Variants in BTD observed in about 807,000 individuals in gnomAD.
BTD encodes biocytinase.
A neutral mutation model predicts 17.7 loss-of-function variants in BTD; 13 were observed. The observed-to-expected ratio is 0.74, with a 90% confidence interval of 0.48 to 1.17. The LOEUF is 1.17. Among genes scored for constraint, BTD ranks in the 50% most tolerant of loss-of-function variants. BTD has a pLI of 0.00. For synonymous variants in BTD, 240 were observed against 245.2 expected, an observed-to-expected ratio of 0.98 and a Z score of 0.20; for missense variants, 674 against 650.4, an observed-to-expected ratio of 1.04 and a Z score of -0.39.
intron 1 of BTD, among the ~76,000 whole-genome samples, chr3:15,610,054 T>C (rs1259392868): frequency 1.3e-5 from 2 of 151,218 alleles, no homozygotes; most frequent in Non-Finnish European, 3.0e-5. Flanking sequence ...CCATATAATA[T>C]GTCAATTAGA....
chr3:15,627,752 G>A (rs2065101132), intron 1 of BTD, among the ~76,000 whole-genome samples: 2 of 152,050 alleles, frequency 1.3e-5, no homozygotes, highest in Admixed American at 6.6e-5. Flanking sequence ...ATGGAGTTTC[G>A]CTCTTATTGC....
At chr3:15,680,373 T>G (rs2067415211) in intron 3 of BTD, among the ~76,000 whole-genome samples, 1 of 151,686 alleles carries the variant, frequency 6.6e-6, no homozygotes, top group Non-Finnish European at 1.5e-5. Context: ...CCAGCTAGCT[T>G]TTTTCGTATT....
rs1363397481 is a variant in BTD, at chr3:15,652,685, C to T, written c.*7197C>T. Among the ~76,000 whole-genome samples the T allele has an allele frequency of 1.3e-5, 2 of 152,188 alleles. No homozygotes were observed. Among genetic ancestry groups the T allele is most frequent in the Non-Finnish European group, 1.5e-5 (1 of 68,046 alleles). ...TAATTTATTATACAGCAATAGAAAA[C>T]TAATACAATAGTCTTGCTACCAGCA... is the stretch of plus-strand genomic sequence containing the variant. On this transcript the variant is annotated 3_prime_UTR_variant, in exon 4 of 4. Transcript: ENST00000643237.
exon 4 of BTD, among the ~76,000 whole-genome samples, chr3:15,711,717 C>T (rs1345314110): frequency 2.0e-5 from 3 of 151,632 alleles, no homozygotes; most frequent in Admixed American, 6.6e-5. Flanking sequence ...GACAGAGTCT[C>T]GCTCTGTCTC....
intron 3 of BTD, among the ~76,000 whole-genome samples, chr3:15,698,164 A>T (rs2069951702): frequency 6.6e-6 from 1 of 152,194 alleles, no homozygotes; most frequent in African/African-American, 2.4e-5. Context: ...ATAGATGCAG[A>T]AAAGGCCTTC....
rs137915130 is a variant in BTD, at chr3:15,676,637, C to G, written c.400-33423C>G. The G allele has an allele frequency of 1.5e-3, 304 of 200,076 alleles. 2 individuals carry two copies. The highest frequency in any genetic ancestry group is 6.8e-3 in the African/African-American group (286 of 42,060). 12.4% of individuals were successfully genotyped at this position (200,076 alleles called of 1,614,324 possible). On this transcript the variant is annotated intron_variant, in intron 3 of 3. Transcript: ENST00000672141. ...TACAGACACACATAAAGCTTCTTAC[C>G]TCATTTATTGTTAGTTTCAAGTAAC...
At chr3:15,641,376 G>A (rs144520571) in intron 2 of BTD, among the ~76,000 whole-genome samples, 2 of 152,298 alleles carry the variant, frequency 1.3e-5, no homozygotes, top group Non-Finnish European at 2.9e-5. Flanking sequence ...AAACACTGTT[G>A]CCACTATCCC....
rs55903210 is a variant in BTD at position 15,652,463 on chromosome 3, G to A, written c.*6975G>A. The stretch of plus-strand genomic sequence containing the variant: ...TTTGGCAAGGAACAGCCACCAGCTA[G>A]CTGCATGAGCGAGCCATGTTGGAAG... On this transcript the variant is annotated 3_prime_UTR_variant, in exon 4 of 4. Coordinates refer to ENST00000643237, the MANE Select transcript of BTD (RefSeq NM_001370658.1). Among the ~76,000 whole-genome samples the A allele has an allele frequency of 0.033, 4,993 of 152,300 alleles. 264 individuals are homozygous for A. The highest frequency in any genetic ancestry group is 0.11 in the African/African-American group (4,669 of 41,538).
At chr3:15,679,279 T>C in intron 3 of BTD, 1 of 1,610,748 alleles carries the variant, frequency 6.2e-7, no homozygotes, top group South Asian at 1.1e-5. Context: ...TAAAACTATT[T>C]AATACATAGT....
At chr3:15,700,027 C>T (rs530301756) in intron 3 of BTD, among the ~76,000 whole-genome samples, 4 of 152,180 alleles carry the variant, frequency 2.6e-5, no homozygotes, top group Admixed American at 6.5e-5. Flanking sequence ...AAATGTGGCA[C>T]ATATACACCA....
Position 15,634,730 on chromosome 3 carries a change from G to A in BTD, c.-16-694G>A, listed in dbSNP as rs528158090. The stretch of plus-strand genomic sequence containing the variant: ...GATGGGGTTAAGAAAGTGATAATGT[G>A]CAATGGCGATTCTCAAGTTCAAGGA... On this transcript the variant is annotated intron_variant, in intron 1 of 3. Transcript: ENST00000643237. 3.9e-5 allele frequency among the ~76,000 whole-genome samples: 6 copies of A among 152,338 alleles called. No individual in the cohort carries two copies. The East Asian group carries it at 7.7e-4, about 20-fold the overall frequency.
chr3:15,658,166 C>CT (rs1189636153), downstream of BTD, among the ~76,000 whole-genome samples: 9 of 110,572 alleles, frequency 8.1e-5, no homozygotes, highest in Non-Finnish European at 1.4e-4. Context: ...GAGACTCCAT[C>CT]TAAAAAAAAA....
Position 15,645,367 on chromosome 3 carries a change from T to C in BTD, c.1451T>C (p.Met484Thr). The change falls in exon 4 of 4, where the codon ATG (methionine) becomes ACG (threonine). Residue 484 changes from methionine (M) to threonine (T), a missense_variant. Physicochemically the swap from Met to Thr is moderately conservative, Grantham distance 81. Transcript: ENST00000643237. ...TTTCCTTTGTTTCTGACCTCAGGGA[T>C]GACCCTAGAAGTCCCTGACCAGCTT... is the stretch of plus-strand genomic sequence containing the variant. ...YIFPLFLTSG[M>T]TLEVPDQLGW... is the part of the protein sequence containing the mutation. 1 of 1,614,186 alleles carries C rather than the reference T, an allele frequency of 6.2e-7. No homozygotes were observed. The highest frequency in any genetic ancestry group is 8.5e-7 in the Non-Finnish European group (1 of 1,180,040).
rs2065756328 is a variant in BTD, at chr3:15,649,086, A to G, written c.*3598A>G. On this transcript the variant is annotated 3_prime_UTR_variant, in exon 4 of 4. Transcript: ENST00000643237. ...AAGTTTCTGTTGTTTGAAGCCACCC[A>G]GTTCAGGGTACTTTGATATGGCAGA... 6.6e-6 allele frequency among the ~76,000 whole-genome samples: 1 copy of G among 152,238 alleles called. No individual in the cohort carries two copies. The highest frequency in any genetic ancestry group is 2.4e-5 in the African/African-American group (1 of 41,466).
intron 1 of BTD, among the ~76,000 whole-genome samples, chr3:15,626,537 A>C (rs1378258874): frequency 6.6e-6 from 1 of 152,154 alleles, no homozygotes; most frequent in African/African-American, 2.4e-5. Context: ...CTGTAATCCC[A>C]GCACTTTAGG....
intron 2 of BTD, among the ~76,000 whole-genome samples, chr3:15,638,125 C>T (rs184418130): frequency 6.6e-6 from 1 of 152,270 alleles, no homozygotes; most frequent in East Asian, 1.9e-4. Flanking sequence ...GTTGTCATCT[C>T]TTCAAAGAAT....
chr3:15,675,748 G>C (rs190169647), intron 3 of BTD: 4 of 555,362 alleles, frequency 7.2e-6, no homozygotes, highest in Non-Finnish European at 1.2e-5. Context: ...TATTTCTTTT[G>C]CCCTTATTCC....
intron 3 of BTD, chr3:15,686,296 A>G: frequency 6.3e-7 from 1 of 1,582,240 alleles, no homozygotes; most frequent in South Asian, 1.2e-5. Context: ...AGCATTCTGA[A>G]TGACCATTTG....
chr3:15,691,857 G>A (rs2068844935), intron 3 of BTD, among the ~76,000 whole-genome samples: 1 of 152,128 alleles, frequency 6.6e-6, no homozygotes, highest in African/African-American at 2.4e-5. Context: ...AGCCAGTTGT[G>A]GTGGCTCACA....
Sources: gnomAD v4.1 joint callset for allele counts (sites outside exome capture counted in the v4.1 genomes callset) on GRCh38, gnomAD v4.1.1 for gene constraint, MANE v1.5 for transcripts, NCBI Gene and HGNC (gene_info 2026-07-23, HGNC 2026-07-21) for gene names.